Variants in EFR3A observed in about 807,000 individuals in gnomAD.
EFR3A encodes the protein protein EFR3 homolog A.
Under a neutral mutation model 104.4 loss-of-function variants are expected in EFR3A, and 76 were observed. The ratio of observed to expected loss-of-function variants is 0.73; its 90% confidence interval spans 0.60 to 0.88. EFR3A has a LOEUF of 0.88. Ranked by LOEUF, EFR3A falls within the 40% of genes least tolerant of loss-of-function variation. EFR3A has a pLI of 0.00. For missense variants in EFR3A, 985 were observed against 1,012.5 expected (o/e 0.97, Z 0.37); for synonymous variants, 330 against 330.0 (o/e 1.00, Z 0.00).
chr8:131,955,094 A>G (rs908585089), intron 6 of EFR3A, among the ~76,000 whole-genome samples: 3 of 152,150 alleles, frequency 2.0e-5, no homozygotes, highest in African/African-American at 7.2e-5. Context: ...AAGGATCACT[A>G]GCTAGTTGGG....
intron 1 of EFR3A, among the ~76,000 whole-genome samples, chr8:131,923,200 C>A (rs528030790): frequency 1.1e-4 from 16 of 152,000 alleles, no homozygotes; most frequent in Non-Finnish European, 1.5e-5. Context: ...TTGGGGAGAT[C>A]GTTATTTCGG....
chr8:131,959,064 T>C (rs188540874), intron 7 of EFR3A, among the ~76,000 whole-genome samples: 16 of 152,282 alleles, frequency 1.1e-4, no homozygotes, highest in African/African-American at 3.8e-4. Flanking sequence ...AGATTAACCA[T>C]TAAGGTTGAT....
At chr8:131,998,386 GTT>G (rs1821604918) in intron 19 of EFR3A, among the ~76,000 whole-genome samples, 1 of 151,710 alleles carries the variant, frequency 6.6e-6, no homozygotes, top group African/African-American at 2.4e-5. Context: ...TATAATCCTA[GTT>G]TATCCTGAGA....
intron 9 of EFR3A, among the ~76,000 whole-genome samples, chr8:131,970,221 T>G (rs1288357442): frequency 6.6e-6 from 1 of 152,214 alleles, no homozygotes; most frequent in East Asian, 1.9e-4. Flanking sequence ...CTATACACAT[T>G]TTTTAAGGGT....
At chr8:131,966,210 TAAAA>T (rs555745536) in intron 8 of EFR3A, among the ~76,000 whole-genome samples, 134 of 152,116 alleles carry the variant, frequency 8.8e-4, no homozygotes, top group African/African-American at 3.2e-3. Flanking sequence ...TAAAGTTTAA[TAAAA>T]AAATAAATAA....
intron 8 of EFR3A, among the ~76,000 whole-genome samples, chr8:131,961,477 T>A (rs1474005978): frequency 6.6e-6 from 1 of 152,050 alleles, no homozygotes; most frequent in African/African-American, 2.4e-5. Context: ...GAAGATCAAA[T>A]GAATGAAATG....
chr8:131,965,327 G>GGCTAATAT (rs1563671398), intron 8 of EFR3A, among the ~76,000 whole-genome samples: 1 of 152,026 alleles, frequency 6.6e-6, no homozygotes, highest in Non-Finnish European at 1.5e-5. Flanking sequence ...TCTGACGAAG[G>GGCTAATAT]GCTAATATGC....
chr8:131,979,109 C>T (rs1379882882), intron 13 of EFR3A, 90 bp downstream of exon 13: 1 of 1,296,314 alleles, frequency 7.7e-7, no homozygotes, highest in East Asian at 2.4e-5. Context: ...AAAAATCTAG[C>T]ATGTTCAGGT....
chr8:131,999,485 G>A (rs896566818), intron 19 of EFR3A, among the ~76,000 whole-genome samples: 1 of 152,162 alleles, frequency 6.6e-6, no homozygotes, highest in African/African-American at 2.4e-5. Context: ...CATAGATAAA[G>A]CAAAAGTCAT....
In EFR3A at chr8:132,012,749, A is replaced by G. The variant is rs979370371; in HGVS notation, c.*1854A>G. The G allele has an allele frequency of 1.3e-4, 20 of 152,348 alleles. No individual in the cohort carries two copies. Among genetic ancestry groups the G allele is most frequent in the African/African-American group, 4.1e-4 (17 of 41,402 alleles). The allele number at this position is 152,348 out of a possible 1,614,324, so 9.4% of individuals were successfully genotyped here. On this transcript the variant is annotated 3_prime_UTR_variant, in exon 23 of 23. Transcript: ENST00000254624. The stretch of plus-strand genomic sequence containing the variant: ...GTGTGCTTTTGTATGGAAAAAATAT[A>G]TATAATTTAATAGTATAAAAAATAA...
chr8:131,910,645 T>C (rs1816472525), intron 1 of EFR3A, among the ~76,000 whole-genome samples: 1 of 152,204 alleles, frequency 6.6e-6, no homozygotes, highest in South Asian at 2.1e-4. Context: ...CACACACCTC[T>C]GTAAAAGGAG....
intron 1 of EFR3A, among the ~76,000 whole-genome samples, chr8:131,912,442 A>T (rs1012752083): frequency 6.6e-5 from 10 of 152,336 alleles, no homozygotes; most frequent in Admixed American, 2.0e-4. Context: ...GGTCTCTTAG[A>T]TTACCAAAAG....
chr8:131,944,992 A>C, intron 3 of EFR3A, 120 bp downstream of exon 3: 1 of 1,113,336 alleles, frequency 9.0e-7, no homozygotes, highest in Non-Finnish European at 1.3e-6. Flanking sequence ...AGGATAAAAC[A>C]TTGTAATATT....
intron 1 of EFR3A, among the ~76,000 whole-genome samples, chr8:131,907,268 A>G (rs909732592): frequency 1.3e-5 from 2 of 152,238 alleles, no homozygotes; most frequent in Non-Finnish European, 2.9e-5. Flanking sequence ...TGGTGTGCTA[A>G]GTAGATTCTT....
chr8:131,940,602 T>A (rs1818120634), intron 2 of EFR3A, 27 bp downstream of exon 2: 3 of 1,587,264 alleles, frequency 1.9e-6, no homozygotes, highest in African/African-American at 1.3e-5. Flanking sequence ...CTACTGATCC[T>A]TCTCTTTGCT....
chr8:131,918,036 C>T (rs548991817), intron 1 of EFR3A, among the ~76,000 whole-genome samples: 17 of 152,252 alleles, frequency 1.1e-4, no homozygotes, highest in African/African-American at 4.1e-4. Context: ...CTCCTGTAAT[C>T]CTAGCACTTT....
intron 11 of EFR3A, 130 bp downstream of exon 11, chr8:131,976,271 GTAT>G (rs1820323887): frequency 3.1e-6 from 2 of 653,540 alleles, no homozygotes; most frequent in Admixed American, 3.0e-5. Context: ...AAAGCAGTTA[GTAT>G]TATTATGACA....
At position 131,968,295 on chromosome 8, in the gene EFR3A, G is replaced by T. The variant is rs1037521279; in HGVS notation, c.856G>T (p.Ala286Ser). The change falls in exon 9 of 23, where the codon GCT becomes TCT. Residue 286 changes from alanine to serine, a missense_variant and splice_region_variant. Ala to Ser is a moderately conservative substitution (Grantham distance 99). Transcript: ENST00000254624. ...CTTTGTACTGTTTTGTCTCCTTCAGGCTCAGTATTCTCACCATGTGATCCA... is the reference window on the plus strand; with the variant it reads ...CTTTGTACTGTTTTGTCTCCTTCAGTCTCAGTATTCTCACCATGTGATCCA... ...CFKIIMYSIQ[A>S]QYSHHVIQEI... 1.9e-6 allele frequency: 3 copies of T among 1,612,622 alleles called. No homozygotes were observed. Among genetic ancestry groups the T allele is most frequent in the Middle Eastern group, 1.7e-4 (1 of 6,058 alleles).
At position 131,968,420 on chromosome 8, in the gene EFR3A, A is replaced by T; in HGVS notation, c.981A>T (p.Lys327Asn). 6.2e-7 allele frequency: 1 copy of T among 1,613,500 alleles called. No individual in the cohort carries two copies. The highest frequency in any genetic ancestry group is 8.5e-7 in the Non-Finnish European group (1 of 1,179,544). The change falls in exon 9 of 23, where the codon AAA (lysine) becomes AAT (asparagine). Residue 327 changes from lysine (K) to asparagine (N), a missense_variant. By Grantham distance (94) the Lys-to-Asn change is moderately conservative (BLOSUM62 0). Coordinates refer to ENST00000254624, the MANE Select transcript of EFR3A (RefSeq NM_015137.6). Reference protein sequence around the residue: ...VLLEAVAIAAKGSIGPTVLEV... With the variant: ...VLLEAVAIAANGSIGPTVLEV... The stretch of plus-strand genomic sequence containing the variant: ...TAGAGGCTGTTGCCATTGCTGCTAA[A>T]GGTTCCATAGGTGAGTGCCAATAAA...
Sources: gnomAD v4.1 joint callset for allele counts (sites outside exome capture counted in the v4.1 genomes callset) on GRCh38, gnomAD v4.1.1 for gene constraint, MANE v1.5 for transcripts, NCBI Gene and HGNC (gene_info 2026-07-23, HGNC 2026-07-21) for gene names.